The following BRCA2 variants were observed in gnomAD, a reference collection of about 807,000 sequenced individuals.
BRCA2 encodes BRCA2 DNA repair associated.
A neutral mutation model predicts 276.7 loss-of-function variants in BRCA2; 203 were observed. The observed-to-expected ratio is 0.73, with a 90% CI of 0.65 to 0.82. The LOEUF is 0.82. BRCA2 is among the 40% of genes least tolerant of loss of function. The probability of loss-of-function intolerance (pLI) is 0.00; values close to 1 mark genes in which losing one functional copy is unlikely to be tolerated. For synonymous variants in BRCA2, 1,289 were observed against 1,338.4 expected (o/e 0.96, Z 0.81); for missense variants, 3,920 against 3,915.0 (o/e 1.00, Z -0.03).
At position 32,398,185 on chromosome 13, in the gene BRCA2, A is replaced by T. The variant is rs2073049256; in HGVS notation, c.9672A>T (p.Ile3224=). The T allele has an allele frequency of 1.2e-6, 2 of 1,610,868 alleles. No homozygotes were observed. The highest frequency in any genetic ancestry group is 2.7e-5 in the African/African-American group (2 of 74,796). ...KLLMSSPNCE[I]YYQSPLSLCM... ...AGATGTCTTCTCCTAATTGTGAGAT[A>T]TATTATCAAAGTCCTTTATCACTTT... is the stretch of plus-strand genomic sequence containing the variant. Residue 3224 remains isoleucine (I), a synonymous_variant, in exon 27 of 27, where the codon ATA becomes ATT. Transcript: ENST00000380152.
At chr13:32,345,521 C>G (rs1418488432) in intron 12 of BRCA2, among the ~76,000 whole-genome samples, 1 of 152,024 alleles carries the variant, frequency 6.6e-6, no homozygotes, top group East Asian at 1.9e-4. Flanking sequence ...GTATTAACTA[C>G]TGACAATAAA....
Position 32,398,602 on chromosome 13 carries a change from ATC to A in BRCA2, c.10091_10092del (p.Ser3364CysfsTer3), listed in dbSNP as rs80359257. The part of the protein sequence containing the change: ...SGSTGEKQFI[S>X]VSESTRTAPT... Reference sequence around the variant, plus strand: ...GTTCAACAGGAGAAAAACAATTTATATCTGTCAGTGAATCCACTAGGACTGCT... The same window carrying A: ...GTTCAACAGGAGAAAAACAATTTATATGTCAGTGAATCCACTAGGACTGCT... On this transcript the variant is annotated frameshift_variant, in exon 27 of 27. Transcript: ENST00000380152. LOFTEE classifies it low-confidence loss of function (END_TRUNC). 6.2e-7 allele frequency: 1 copy of A among 1,613,954 alleles called. No individual in the cohort carries two copies. Among genetic ancestry groups the A allele is most frequent in the Admixed American group, 1.7e-5 (1 of 60,028 alleles).
intron 16 of BRCA2, among the ~76,000 whole-genome samples, chr13:32,361,078 A>G (rs1404280918): frequency 6.6e-6 from 1 of 152,236 alleles, no homozygotes; most frequent in African/African-American, 2.4e-5. Flanking sequence ...AAGTCTATAC[A>G]CAGGTAAAGT....
chr13:32,317,191 T>G (rs80288749), intron 2 of BRCA2, among the ~76,000 whole-genome samples: 8 of 152,296 alleles, frequency 5.3e-5, no homozygotes, highest in African/African-American at 1.9e-4. Context: ...ATAGCATGAC[T>G]CTGTCTCAAA....
intron 7 of BRCA2, among the ~76,000 whole-genome samples, chr13:32,327,782 T>TA (rs886039284): frequency 6.6e-6 from 1 of 151,600 alleles, no homozygotes; most frequent in African/African-American, 2.4e-5. Flanking sequence ...TTTTTTTTTT[T>TA]AATTGAGACA....
Position 32,379,869 on chromosome 13 carries a change from A to G in BRCA2, c.9073A>G (p.Ile3025Val), listed in dbSNP as rs879255470. 1 of 1,613,638 alleles carries G rather than the reference A, an allele frequency of 6.2e-7. No homozygotes were observed. Among genetic ancestry groups the G allele is most frequent in the Non-Finnish European group, 8.5e-7 (1 of 1,179,596 alleles). Reference sequence around the variant, plus strand: ...TAAAAGTAAATCTGAAAGAGCTAACATACAGTTAGCAGCGACAAAAAAAAC... The same window carrying G: ...TAAAAGTAAATCTGAAAGAGCTAACGTACAGTTAGCAGCGACAAAAAAAAC... ...KSKSKSERAN[I>V]QLAATKKTQY... Residue 3025 changes from isoleucine (I) to valine (V), a missense_variant, in exon 23 of 27, where the codon ATA (isoleucine) becomes GTA (valine). This residue lies in a region of BRCA2 where 657 missense variants were observed against 758.2 expected (regional missense o/e 0.87). Coordinates refer to ENST00000380152, the MANE Select transcript of BRCA2 (RefSeq NM_000059.4).
intron 24 of BRCA2, among the ~76,000 whole-genome samples, chr13:32,386,581 TGAA>T: frequency 5.3e-5 from 5 of 93,500 alleles, no homozygotes; most frequent in Admixed American, 2.9e-4. Context: ...ACCATTTGTA[TGAA>T]GCAGAAAAAA....
rs397507823 is a variant in BRCA2, at chr13:32,340,385, CT to C, written c.6034del (p.Ser2012ProfsTer28). 6.2e-7 allele frequency: 1 copy of C among 1,613,846 alleles called. No individual in the cohort carries two copies. Among genetic ancestry groups the C allele is most frequent in the Non-Finnish European group, 8.5e-7 (1 of 1,179,824 alleles). Reference sequence around the variant, plus strand: ...AAATAGAAGATAGTACCAAGCAAGTCTTTTCCAAAGTATTGTTTAAAAGTAA... The same window carrying C: ...AAATAGAAGATAGTACCAAGCAAGTCTTTCCAAAGTATTGTTTAAAAGTAA... ...SEIEDSTKQV[F>X]SKVLFKSNEH... On this transcript the variant is annotated frameshift_variant, in exon 11 of 27. Coordinates refer to ENST00000380152, the MANE Select transcript of BRCA2 (RefSeq NM_000059.4). LOFTEE classifies it high-confidence loss of function.
chr13:32,368,095 C>G lies in BRCA2; in HGVS notation c.8332-2307C>G, dbSNP rs1014248045. Among the ~76,000 whole-genome samples, 6 of 128,052 alleles carry G rather than the reference C, an allele frequency of 4.7e-5. No individual in the cohort carries two copies. In the Admixed American group the frequency reaches 4.7e-4, roughly 10 times the overall value. 84.0% of individuals were successfully genotyped at this position (128,052 alleles called of 152,430 possible). A position where few individuals can be genotyped will look rare whatever the true frequency, so the allele number is the denominator to read the frequency against. On this transcript the variant is annotated intron_variant, in intron 18 of 26. Transcript: ENST00000380152. ...AGTGCAGTGGCACGATCTTGGCTCA[C>G]TGCAACCTCTGCCTCCTGGATTCAA...
At chr13:32,316,313 G>A (rs2138697282) in intron 1 of BRCA2, 109 bp from the exon 2 acceptor site, 1 of 738,046 alleles carries the variant, frequency 1.4e-6, no homozygotes, top group East Asian at 2.7e-5. Flanking sequence ...CCAGGAGATG[G>A]GACTGAATTA....
At chr13:32,356,284 G>C in intron 14 of BRCA2, 144 bp from the exon 15 acceptor site, 1 of 726,576 alleles carries the variant, frequency 1.4e-6, no homozygotes, top group Non-Finnish European at 2.3e-6. Flanking sequence ...TGGTCAGGCT[G>C]GTCTTGAACT....
chr13:32,346,931 C>T, intron 13 of BRCA2, 35 bp downstream of exon 13: 1 of 1,512,646 alleles, frequency 6.6e-7, no homozygotes, highest in Non-Finnish European at 9.1e-7. Flanking sequence ...AATTCTAATA[C>T]AGTATGAGAA....
intron 14 of BRCA2, 47 bp downstream of exon 14, chr13:32,355,335 T>C: frequency 6.3e-7 from 1 of 1,599,776 alleles, no homozygotes; most frequent in Admixed American, 1.7e-5. Flanking sequence ...TTCAGTTAGA[T>C]ATTTCCGTTG....
rs28897737 is a variant in BRCA2 at position 32,340,292 on chromosome 13, C to G, written c.5937C>G (p.Ser1979Arg). ...VSSANTCGIF[S>R]TASGKSVQVS... ...CTGCAAATACTTGTGGGATTTTTAGCACAGCAAGTGGAAAATCTGTCCAGG... is the reference window on the plus strand; with the variant it reads ...CTGCAAATACTTGTGGGATTTTTAGGACAGCAAGTGGAAAATCTGTCCAGG... The change falls in exon 11 of 27, where the codon AGC becomes AGG. Residue 1979 changes from serine (S) to arginine (R), a missense_variant. Coordinates refer to ENST00000380152, the MANE Select transcript of BRCA2 (RefSeq NM_000059.4). 3.2e-5 allele frequency: 51 copies of G among 1,613,800 alleles called. No homozygotes were observed. Among genetic ancestry groups the G allele is most frequent in the Non-Finnish European group, 4.0e-5 (47 of 1,179,870 alleles).
chr13:32,343,303 C>T (rs1334688514), intron 11 of BRCA2, among the ~76,000 whole-genome samples: 1 of 151,980 alleles, frequency 6.6e-6, no homozygotes, highest in Non-Finnish European at 1.5e-5. Context: ...GCCAAAACTC[C>T]AACATTTCAG....
rs771131099 is a variant in BRCA2, at chr13:32,340,799, T to C, written c.6444T>C (p.Ser2148=). The part of the protein sequence containing the change: ...VEGGSSENNH[S]IKVSPYLSQF... ...GTGGTTCTTCAGAAAATAATCACTCTATTAAAGTTTCTCCATATCTCTCTC... is the reference window on the plus strand; with the variant it reads ...GTGGTTCTTCAGAAAATAATCACTCCATTAAAGTTTCTCCATATCTCTCTC... Residue 2148 remains serine (S), a synonymous_variant, in exon 11 of 27, where the codon TCT becomes TCC. Transcript: ENST00000380152. 1.9e-5 allele frequency: 30 copies of C among 1,592,250 alleles called. No individual in the cohort carries two copies. Among genetic ancestry groups the C allele is most frequent in the Middle Eastern group, 1.7e-4 (1 of 5,928 alleles).
At chr13:32,363,573 T>C (rs2137583319) in intron 18 of BRCA2, 40 bp downstream of exon 18, 2 of 1,543,456 alleles carry the variant, frequency 1.3e-6, no homozygotes, top group Non-Finnish European at 1.8e-6. Context: ...CAGTCATTGA[T>C]TCAGTTAAAT....
In BRCA2 at chr13:32,354,896, A is replaced by G. The variant is rs747817752; in HGVS notation, c.7043A>G (p.Asn2348Ser). 2.5e-6 allele frequency: 4 copies of G among 1,613,370 alleles called. No homozygotes were observed. Among genetic ancestry groups the G allele is most frequent in the Non-Finnish European group, 3.4e-6 (4 of 1,179,406 alleles). ...GAACGTCAAGAGATACAGAATCCAA[A>G]TTTTACCGCACCTGGTCAAGAATTT... ...TKERQEIQNP[N>S]FTAPGQEFLS... The change falls in exon 14 of 27, where the codon AAT becomes AGT. Residue 2348 changes from asparagine to serine, a missense_variant. Asn to Ser is a conservative substitution (Grantham distance 46). Coordinates refer to ENST00000380152, the MANE Select transcript of BRCA2 (RefSeq NM_000059.4).
At chr13:32,373,227 G>A (rs112261410) in intron 20 of BRCA2, among the ~76,000 whole-genome samples, 4 of 151,464 alleles carry the variant, frequency 2.6e-5, no homozygotes, top group East Asian at 2.0e-4. Flanking sequence ...TCCTAGCCTC[G>A]CTGGGTGGGG....
Sources: allele counts gnomAD v4.1 joint callset (sites outside exome capture counted in the v4.1 genomes callset), GRCh38; gene constraint gnomAD v4.1.1; regional missense constraint gnomAD v4.1.1; transcripts MANE v1.5; gene names NCBI Gene and HGNC (gene_info 2026-07-23, HGNC 2026-07-21).